DYM: variants seen among roughly 807,000 people sequenced by gnomAD.
DYM encodes dymeclin, also known as dyggve-Melchior-Clausen syndrome protein.
DYM carries 78 observed loss-of-function variants against 93.1 expected under a neutral mutation model. The observed-to-expected ratio is 0.84, with a 90% confidence interval of 0.70 to 1.01. The LOEUF (loss-of-function observed/expected upper bound fraction) is 1.01. DYM is among the 50% of genes least tolerant of loss of function. The pLI is 0.00. For synonymous variants in DYM, 321 were observed against 319.7 expected (o/e 1.00, Z -0.04); for missense variants, 789 against 845.0 (o/e 0.93, Z 0.82).
chr18:49,176,219 T>C (rs1174318800), intron 14 of DYM, among the ~76,000 whole-genome samples: 2 of 152,164 alleles, frequency 1.3e-5, no homozygotes, highest in African/African-American at 2.4e-5. Flanking sequence ...ACAAAAATTA[T>C]TACTGATAAA....
chr18:49,076,085 C>CA (rs1161450508), intron 17 of DYM, among the ~76,000 whole-genome samples: 2 of 151,760 alleles, frequency 1.3e-5, no homozygotes, highest in Admixed American at 1.3e-4. Context: ...AAAAGCAAAG[C>CA]AAAACGGATC....
intron 14 of DYM, among the ~76,000 whole-genome samples, chr18:49,181,647 T>C (rs2089939398): frequency 6.6e-6 from 1 of 152,146 alleles, no homozygotes; most frequent in South Asian, 2.1e-4. Context: ...GCATTTTGGA[T>C]TTTTAGATTA....
At chr18:49,144,726 T>C (rs2084896278) in intron 15 of DYM, among the ~76,000 whole-genome samples, 1 of 152,170 alleles carries the variant, frequency 6.6e-6, no homozygotes, top group African/African-American at 2.4e-5. Context: ...GTACTTCCTA[T>C]TCAAATTCAA....
intron 14 of DYM, among the ~76,000 whole-genome samples, chr18:49,177,018 G>A (rs1014107718): frequency 6.6e-6 from 1 of 151,844 alleles, no homozygotes; most frequent in South Asian, 2.1e-4. Flanking sequence ...TGTCTTTTTC[G>A]GTGACCCTTT....
At chr18:49,118,637 T>C in intron 16 of DYM, 107 bp downstream of exon 16, 1 of 1,075,248 alleles carries the variant, frequency 9.3e-7, no homozygotes. Flanking sequence ...ACAGTTAATG[T>C]TGAAAGAAGA....
intron 8 of DYM, among the ~76,000 whole-genome samples, chr18:49,324,000 T>C (rs1351022080): frequency 1.3e-5 from 2 of 151,896 alleles, no homozygotes; most frequent in Non-Finnish European, 2.9e-5. Flanking sequence ...TTAGGAATGG[T>C]GGCAGGTGCC....
intron 16 of DYM, among the ~76,000 whole-genome samples, chr18:49,105,549 C>T (rs1440714867): frequency 6.6e-6 from 1 of 152,166 alleles, no homozygotes; most frequent in East Asian, 1.9e-4. Context: ...GCATTTAGTG[C>T]CATAAATTTC....
intron 13 of DYM, among the ~76,000 whole-genome samples, chr18:49,229,684 G>A (rs1432427432): frequency 6.6e-6 from 1 of 152,068 alleles, no homozygotes; most frequent in East Asian, 1.9e-4. Context: ...AAAATGGTAT[G>A]GCCACTTTGG....
intron 6 of DYM, among the ~76,000 whole-genome samples, chr18:49,361,823 C>T (rs75162918): frequency 0.091 from 13,897 of 151,976 alleles, 865 homozygotes; most frequent in East Asian, 0.31. Context: ...CGACCTTGGT[C>T]CAAACGATTC....
At chr18:49,356,056 G>A (rs1009038709) in intron 6 of DYM, among the ~76,000 whole-genome samples, 1 of 151,978 alleles carries the variant, frequency 6.6e-6, no homozygotes, top group Non-Finnish European at 1.5e-5. Context: ...CAGCATCAAT[G>A]ACTACCAGAA....
At chr18:49,218,143 CA>C (rs1430710986) in intron 13 of DYM, among the ~76,000 whole-genome samples, 4 of 152,046 alleles carry the variant, frequency 2.6e-5, no homozygotes, top group Non-Finnish European at 5.9e-5. Flanking sequence ...CAACAAAGGT[CA>C]AAAGAGAGAA....
At chr18:49,109,789 A>G (rs772189513) in intron 16 of DYM, among the ~76,000 whole-genome samples, 1 of 152,208 alleles carries the variant, frequency 6.6e-6, no homozygotes, top group Non-Finnish European at 1.5e-5. Context: ...CCTATCTTTT[A>G]CTCCAGAAGG....
chr18:49,450,226 G>C (rs1383671070), intron 1 of DYM, among the ~76,000 whole-genome samples: 1 of 152,144 alleles, frequency 6.6e-6, no homozygotes, highest in South Asian at 2.1e-4. Flanking sequence ...ACACGGCAAG[G>C]CTGTCTTAAG....
At chr18:49,276,150 T>C (rs1459474609) in intron 10 of DYM, among the ~76,000 whole-genome samples, 1 of 152,140 alleles carries the variant, frequency 6.6e-6, no homozygotes, top group African/African-American at 2.4e-5. Context: ...TTGTGGCTGA[T>C]CTCGGGGAGA....
At chr18:49,360,586 C>A (rs552657122) in intron 6 of DYM, among the ~76,000 whole-genome samples, 2 of 151,550 alleles carry the variant, frequency 1.3e-5, no homozygotes, top group African/African-American at 4.9e-5. Context: ...CACGCCACTG[C>A]ACTCTAGCCT....
chr18:49,142,896 T>C (rs1407636940), intron 15 of DYM, among the ~76,000 whole-genome samples: 5 of 152,180 alleles, frequency 3.3e-5, no homozygotes, highest in Admixed American at 2.6e-4. Flanking sequence ...ATGTTTAAAA[T>C]TGAGAAAATA....
chr18:49,307,028 G>C (rs531748376), intron 8 of DYM, among the ~76,000 whole-genome samples: 3 of 151,942 alleles, frequency 2.0e-5, no homozygotes, highest in Non-Finnish European at 4.4e-5. Flanking sequence ...TACGCAGAAA[G>C]GGAGAAGTAT....
At chr18:49,192,605 C>A (rs2091082691) in intron 14 of DYM, among the ~76,000 whole-genome samples, 1 of 152,152 alleles carries the variant, frequency 6.6e-6, no homozygotes, top group Non-Finnish European at 1.5e-5. Flanking sequence ...CTCTTCTGGG[C>A]TCTCTACCCT....
chr18:49,091,523 T>C (rs1338767651), intron 17 of DYM, among the ~76,000 whole-genome samples: 3 of 151,902 alleles, frequency 2.0e-5, no homozygotes, highest in South Asian at 4.2e-4. Flanking sequence ...GCTGGTGTGT[T>C]TGGAGCAATT....
Sources: gnomAD v4.1 joint callset for allele counts (sites outside exome capture counted in the v4.1 genomes callset) on GRCh38, gnomAD v4.1.1 for gene constraint, MANE v1.5 for transcripts, NCBI Gene and HGNC (gene_info 2026-07-23, HGNC 2026-07-21) for gene names.